The following PIP5K1A variants were observed in gnomAD, a reference collection of about 807,000 sequenced individuals.
The protein encoded by PIP5K1A is phosphatidylinositol-4-phosphate 5-kinase type 1 alpha.
Under a neutral mutation model 72.9 loss-of-function variants are expected in PIP5K1A, and 46 were observed. That is an observed-to-expected ratio of 0.63 (90% CI 0.50 to 0.81). The LOEUF (loss-of-function observed/expected upper bound fraction) is 0.81, where lower values mean the gene tolerates loss of function less well. PIP5K1A is among the 30% of genes least tolerant of loss of function. The probability of loss-of-function intolerance (pLI) is 0.00; values close to 1 mark genes in which losing one functional copy is unlikely to be tolerated. For missense variants in PIP5K1A, 458 were observed against 706.1 expected, an observed-to-expected ratio of 0.65 and a Z score of 3.98; for synonymous variants, 228 against 255.1, an observed-to-expected ratio of 0.89 and a Z score of 1.01.
intron 1 of PIP5K1A, among the ~76,000 whole-genome samples, chr1:151,200,173 G>A (rs1039410363): frequency 6.6e-6 from 1 of 151,238 alleles, no homozygotes; most frequent in Non-Finnish European, 1.5e-5. Context: ...TTAGGCCTGA[G>A]AAGAAGAAAG....
intron 1 of PIP5K1A, among the ~76,000 whole-genome samples, chr1:151,212,117 A>AG (rs929811687): frequency 9.9e-5 from 15 of 152,174 alleles, no homozygotes; most frequent in African/African-American, 3.6e-4. Flanking sequence ...GTCTCAAAAA[A>AG]AAAAAAAGAT....
intron 1 of PIP5K1A, among the ~76,000 whole-genome samples, chr1:151,212,813 T>G (rs1687015566): frequency 6.6e-6 from 1 of 151,426 alleles, no homozygotes; most frequent in South Asian, 2.1e-4. Context: ...GACCTCGTGA[T>G]CTGCCTGCCT....
rs371635525 is a variant in PIP5K1A, at chr1:151,231,130, C to G, written c.238-541C>G. On this transcript the variant is annotated intron_variant, in intron 4 of 15. Transcript: ENST00000368888. ...GCTGAGGCATGAGAATCGCTTGAAC[C>G]GGGGAGGCAAAGTTTGCAGTGAGCC... Among the ~76,000 whole-genome samples, 4 of 149,150 alleles carry G rather than the reference C, an allele frequency of 2.7e-5. No homozygotes were observed. In the Admixed American group the frequency reaches 2.7e-4, roughly 10 times the overall value.
At position 151,240,201 on chromosome 1, in the gene PIP5K1A, G is replaced by T. The variant is rs892989696; in HGVS notation, c.1363+162G>T. ...CATTTCTTGTCCTTTGTGTTAGTCT[G>T]TCATAGTCATTTCCAAGTTGCTGTT... On this transcript the variant is annotated intron_variant, in intron 12 of 15. Coordinates refer to ENST00000368888, the MANE Select transcript of PIP5K1A (RefSeq NM_001135638.2). 39 of 605,814 alleles carry T rather than the reference G, an allele frequency of 6.4e-5. 1 individual carries two copies. Among genetic ancestry groups the T allele is most frequent in the South Asian group, 1.5e-4 (8 of 52,900 alleles). The allele number at this position is 605,814 out of a possible 1,614,324, so 37.5% of individuals were successfully genotyped here.
Position 151,232,571 on chromosome 1 carries a change from G to A in PIP5K1A, c.507G>A (p.Pro169=), listed in dbSNP as rs373301215. The A allele has an allele frequency of 6.8e-6, 11 of 1,606,284 alleles. No individual in the cohort carries two copies. The highest frequency in any genetic ancestry group is 4.0e-5 in the African/African-American group (3 of 74,242). Residue 169 remains proline, a synonymous_variant, in exon 7 of 16, where the codon CCG becomes CCA. Transcript: ENST00000368888. ...CCCAGTATTCCCTCTGCAGTGAGCCGCTGATTGAACTCTGTAGCTCTGGAG... is the reference window on the plus strand; with the variant it reads ...CCCAGTATTCCCTCTGCAGTGAGCCACTGATTGAACTCTGTAGCTCTGGAG... ...DDYLYSLCSE[P]LIELCSSGAS...
At position 151,215,768 on chromosome 1, in the gene PIP5K1A, CCTT is replaced by C. The variant is rs587759133; in HGVS notation, c.86-8474_86-8472del. ...GAGAATTTTTGTGTCAGAGGCTTCTCCTTCTGCCATTTTTTGAACATTTACCTA... is the reference window on the plus strand; with the variant it reads ...GAGAATTTTTGTGTCAGAGGCTTCTCCTGCCATTTTTTGAACATTTACCTA... On this transcript the variant is annotated intron_variant, in intron 1 of 15. Coordinates refer to ENST00000368888, the MANE Select transcript of PIP5K1A (RefSeq NM_001135638.2). Among the ~76,000 whole-genome samples, 37 of 152,232 alleles carry C rather than the reference CCTT, an allele frequency of 2.4e-4. No homozygotes were observed. The East Asian group carries it at 3.9e-3, about 16-fold the overall frequency.
intron 1 of PIP5K1A, among the ~76,000 whole-genome samples, chr1:151,202,370 T>C (rs587705075): frequency 1.3e-4 from 20 of 152,368 alleles, no homozygotes; most frequent in East Asian, 9.6e-4. Context: ...TTCTAGCCTT[T>C]AACAATTCAG....
At chr1:151,212,848 T>C (rs921194651) in intron 1 of PIP5K1A, among the ~76,000 whole-genome samples, 58 of 150,094 alleles carry the variant, frequency 3.9e-4, no homozygotes, top group Non-Finnish European at 6.9e-4. Context: ...GCTGGGATTA[T>C]ACGCGTGAGC....
intron 1 of PIP5K1A, among the ~76,000 whole-genome samples, chr1:151,206,713 G>C (rs1305757503): frequency 6.6e-6 from 1 of 152,076 alleles, no homozygotes; most frequent in Non-Finnish European, 1.5e-5. Flanking sequence ...CTACAGGCAC[G>C]TGCCACCACA....
chr1:151,198,975 T>C lies in PIP5K1A; in HGVS notation c.-22T>C, dbSNP rs1041238048. 6.2e-7 allele frequency: 1 copy of C among 1,611,308 alleles called. No individual in the cohort carries two copies. The highest frequency in any genetic ancestry group is 8.5e-7 in the Non-Finnish European group (1 of 1,177,720). ...CCGGATTGAAAGAGAGCCAGGCCGC[T>C]GAGGGGGAGGGGGCTGCTAAGATGG... On this transcript the variant is annotated 5_prime_UTR_variant, in exon 1 of 16. Coordinates refer to ENST00000368888, the MANE Select transcript of PIP5K1A (RefSeq NM_001135638.2).
At chr1:151,243,059 C>T (rs587605149) in intron 14 of PIP5K1A, among the ~76,000 whole-genome samples, 1 of 152,326 alleles carries the variant, frequency 6.6e-6, no homozygotes, top group East Asian at 1.9e-4. Context: ...TCAGAATTGA[C>T]ATTCTACTTG....
At chr1:151,203,228 C>T (rs1445964640) in intron 1 of PIP5K1A, among the ~76,000 whole-genome samples, 2 of 152,036 alleles carry the variant, frequency 1.3e-5, no homozygotes, top group African/African-American at 2.4e-5. Context: ...GTGTGACTTC[C>T]TCAAGGAAAA....
intron 1 of PIP5K1A, among the ~76,000 whole-genome samples, chr1:151,219,563 G>A (rs1430323675): frequency 2.6e-5 from 4 of 151,466 alleles, no homozygotes; most frequent in Non-Finnish European, 1.5e-5. Flanking sequence ...GTGTTGTGGT[G>A]CGTGCCTGTA....
intron 3 of PIP5K1A, among the ~76,000 whole-genome samples, chr1:151,226,361 AGGTGTGAGCCACCGCACCC>A (rs1047215827): frequency 1.3e-5 from 2 of 152,022 alleles, no homozygotes; most frequent in Non-Finnish European, 2.9e-5. Flanking sequence ...CTAGTATTAC[AGGTGTGAGCCACCGCACCC>A]GGCCATCGCC....
intron 1 of PIP5K1A, among the ~76,000 whole-genome samples, chr1:151,208,175 A>G (rs1472180485): frequency 6.6e-6 from 1 of 151,472 alleles, no homozygotes; most frequent in Non-Finnish European, 1.5e-5. Context: ...ATTCTTTGAT[A>G]TACTGCTTTT....
chr1:151,204,201 A>G (rs1243655847), intron 1 of PIP5K1A, among the ~76,000 whole-genome samples: 1 of 151,964 alleles, frequency 6.6e-6, no homozygotes, highest in East Asian at 1.9e-4. Flanking sequence ...TTTGAGATGG[A>G]GTTTCGCTCT....
rs774238004 is a variant in PIP5K1A, at chr1:151,231,715, C to G, written c.282C>G (p.Thr94=). ...AAGGTGCCATCCAGTTAGGCATTAC[C>G]CACACTGTGGGGAGCCTGAGTACCA... ...ALKGAIQLGI[T]HTVGSLSTKP... Residue 94 remains threonine, a synonymous_variant, in exon 5 of 16, where the codon ACC becomes ACG. Coordinates refer to ENST00000368888, the MANE Select transcript of PIP5K1A (RefSeq NM_001135638.2). 5.0e-6 allele frequency: 8 copies of G among 1,613,492 alleles called. No individual in the cohort carries two copies. The South Asian group carries it at 5.5e-5, about 11-fold the overall frequency.
chr1:151,236,727 A>C lies in PIP5K1A; in HGVS notation c.1109A>C (p.Glu370Ala), dbSNP rs1202555114. ...ACAGCCATGGAATCCATCCAGGGAGAGGCTCGACGGGGTGGTACCATGGAG... is the reference window on the plus strand; with the variant it reads ...ACAGCCATGGAATCCATCCAGGGAGCGGCTCGACGGGGTGGTACCATGGAG... ...YSTAMESIQG[E>A]ARRGGTMETD... Residue 370 changes from glutamate (E) to alanine (A), a missense_variant, in exon 9 of 16, where the codon GAG (glutamate) becomes GCG (alanine). Around this residue, in one of 3 missense-constraint regions of PIP5K1A, gnomAD observed 220 missense variants for 442.6 expected, o/e 0.50. Coordinates refer to ENST00000368888, the MANE Select transcript of PIP5K1A (RefSeq NM_001135638.2). 6.2e-7 allele frequency: 1 copy of C among 1,609,946 alleles called. No homozygotes were observed. The highest frequency in any genetic ancestry group is 8.5e-7 in the Non-Finnish European group (1 of 1,177,906).
At position 151,247,978 on chromosome 1, in the gene PIP5K1A, G is replaced by A; in HGVS notation, c.*113G>A. 1.1e-6 allele frequency: 1 copy of A among 941,150 alleles called. No homozygotes were observed. Among genetic ancestry groups the A allele is most frequent in the Non-Finnish European group, 1.7e-6 (1 of 575,112 alleles). 58.3% of individuals were successfully genotyped at this position (941,150 alleles called of 1,614,324 possible). On this transcript the variant is annotated 3_prime_UTR_variant, in exon 16 of 16. Transcript: ENST00000368888. ...CTTCTACTTGGTCATCAAAAAAGGA[G>A]TGTAATAGAAGTGAGGGGAGCTGCT... is the stretch of plus-strand genomic sequence containing the variant.
Sources: allele counts gnomAD v4.1 joint callset (sites outside exome capture counted in the v4.1 genomes callset), GRCh38; gene constraint gnomAD v4.1.1; regional missense constraint gnomAD v4.1.1; transcripts MANE v1.5; gene names NCBI Gene and HGNC (gene_info 2026-07-23, HGNC 2026-07-21).